Variants in GALNT6 observed in about 807,000 individuals in gnomAD.
GALNT6 encodes the protein polypeptide N-acetylgalactosaminyltransferase 6.
Under a neutral mutation model 65.9 loss-of-function variants are expected in GALNT6, and 51 were observed. The observed-to-expected ratio is 0.77, with a 90% confidence interval of 0.62 to 0.98. The LOEUF (loss-of-function observed/expected upper bound fraction) is 0.98. Ranked by LOEUF, GALNT6 falls within the 50% of genes least tolerant of loss-of-function variation. The probability of loss-of-function intolerance (pLI) is 0.00; values close to 1 mark genes in which losing one functional copy is unlikely to be tolerated. For synonymous variants in GALNT6, 323 were observed against 315.1 expected, an observed-to-expected ratio of 1.02 and a Z score of -0.26; for missense variants, 708 against 803.3, an observed-to-expected ratio of 0.88 and a Z score of 1.43.
intron 5 of GALNT6, among the ~76,000 whole-genome samples, chr12:51,365,112 G>T (rs1305286836): frequency 2.0e-5 from 3 of 152,190 alleles, no homozygotes; most frequent in Non-Finnish European, 2.9e-5. Context: ...ATAGCAGGAG[G>T]CCTCTCTGAG....
chr12:51,375,857 C>CT (rs942225801), intron 4 of GALNT6, among the ~76,000 whole-genome samples: 20 of 151,546 alleles, frequency 1.3e-4, no homozygotes, highest in African/African-American at 4.1e-4. Context: ...ACGCCCAGTC[C>CT]TTTTTTTTGT....
At position 51,387,311 on chromosome 12, in the gene GALNT6, G is replaced by T. The variant is rs1447982850; in HGVS notation, c.-104+3539C>A. Among the ~76,000 whole-genome samples the T allele has an allele frequency of 6.6e-6, 1 of 152,136 alleles. No homozygotes were observed. Among genetic ancestry groups the T allele is most frequent in the African/African-American group, 2.4e-5 (1 of 41,414 alleles). Reference sequence around the variant, plus strand: ...GACAGTGTTTCGCCATGTTGGCCAGGCTAGTCTTGAACTCCTGACCTCAAG... The same window carrying T: ...GACAGTGTTTCGCCATGTTGGCCAGTCTAGTCTTGAACTCCTGACCTCAAG... On this transcript the variant is annotated intron_variant, in intron 2 of 11. Coordinates refer to ENST00000356317, the MANE Select transcript of GALNT6 (RefSeq NM_007210.4). This position sits in a 1 kb window ranked among gnomAD's most constrained non-coding sequence, Gnocchi z 4.2.
intron 4 of GALNT6, among the ~76,000 whole-genome samples, chr12:51,370,653 G>C (rs1947264314): frequency 6.6e-6 from 1 of 152,230 alleles, no homozygotes; most frequent in Non-Finnish European, 1.5e-5. Flanking sequence ...CAAATTCATA[G>C]AGACAGAAAG....
At chr12:51,369,202 AG>A (rs564803871) in intron 4 of GALNT6, among the ~76,000 whole-genome samples, 1 of 152,268 alleles carries the variant, frequency 6.6e-6, no homozygotes, top group African/African-American at 2.4e-5. Context: ...TGTGAACCTC[AG>A]GGGGGGCCCC....
chr12:51,379,584 A>C lies in GALNT6; in HGVS notation c.198T>G (p.Asp66Glu). ...CCCTGATTTGGAGCTTGGGCATTGA[A>C]TCTCTAAGGTTGTTCATGGCCTCCA... ...LMLEAMNNLR[D>E]SMPKLQIRAP... The change falls in exon 3 of 12, where the codon GAT becomes GAG. Residue 66 changes from aspartate (D) to glutamate (E), a missense_variant. Asp to Glu is a conservative substitution (Grantham distance 45). Coordinates refer to ENST00000356317, the MANE Select transcript of GALNT6 (RefSeq NM_007210.4). 6.2e-7 allele frequency: 1 copy of C among 1,613,938 alleles called. No individual in the cohort carries two copies. The highest frequency in any genetic ancestry group is 8.5e-7 in the Non-Finnish European group (1 of 1,179,968).
Position 51,366,143 on chromosome 12 carries a change from C to T in GALNT6, c.665-564G>A, listed in dbSNP as rs147693099. Reference sequence around the variant, plus strand: ...ATATTGGCCAGGCTGGTCTCGTACTCCTGGCCTCAAGTGATTCGCCTGCCT... The same window carrying T: ...ATATTGGCCAGGCTGGTCTCGTACTTCTGGCCTCAAGTGATTCGCCTGCCT... On this transcript the variant is annotated intron_variant, in intron 4 of 11. Transcript: ENST00000356317. Among the ~76,000 whole-genome samples the T allele has an allele frequency of 3.7e-3, 569 of 152,334 alleles. 4 individuals are homozygous for T. Among genetic ancestry groups the T allele is most frequent in the African/African-American group, 0.013 (535 of 41,578 alleles).
chr12:51,378,092 G>A (rs558759746), intron 3 of GALNT6, among the ~76,000 whole-genome samples: 32 of 152,258 alleles, frequency 2.1e-4, no homozygotes, highest in Non-Finnish European at 3.7e-4. Flanking sequence ...AGGATTTCTT[G>A]GGGACCCTCC....
intron 4 of GALNT6, among the ~76,000 whole-genome samples, chr12:51,369,883 C>T (rs141540777): frequency 6.6e-6 from 1 of 152,274 alleles, no homozygotes; most frequent in East Asian, 1.9e-4. Flanking sequence ...TACCACTCTC[C>T]TCAATCTATT....
Position 51,355,852 on chromosome 12 carries a change from C to T in GALNT6, c.1709G>A (p.Gly570Asp), listed in dbSNP as rs865893543. 6.2e-7 allele frequency: 1 copy of T among 1,613,930 alleles called. No individual in the cohort carries two copies. Among genetic ancestry groups the T allele is most frequent in the Admixed American group, 1.7e-5 (1 of 60,022 alleles). The change falls in exon 11 of 12, where the codon GGC (glycine) becomes GAC (aspartate). Residue 570 changes from glycine to aspartate, a missense_variant. Physicochemically the swap from Gly to Asp is moderately conservative, Grantham distance 94. Coordinates refer to ENST00000356317, the MANE Select transcript of GALNT6 (RefSeq NM_007210.4). ...ALGLGSCHFT[G>D]KNSQVPKDEE... Reference sequence around the variant, plus strand: ...GTCCTTGGGGACCTGGCTATTCTTGCCAGTGAAGTGACAGCTCCCAAGGCC... The same window carrying T: ...GTCCTTGGGGACCTGGCTATTCTTGTCAGTGAAGTGACAGCTCCCAAGGCC...
chr12:51,379,926 G>C lies in GALNT6; in HGVS notation c.-103-42C>G, dbSNP rs917101537. 7.3e-6 allele frequency: 6 copies of C among 827,186 alleles called. No homozygotes were observed. The Middle Eastern group carries it at 1.5e-3, about 203-fold the overall frequency. The allele number at this position is 827,186 out of a possible 1,614,324, so 51.2% of individuals were successfully genotyped here. On this transcript the variant is annotated intron_variant, in intron 2 of 11. Transcript: ENST00000356317. The stretch of plus-strand genomic sequence containing the variant: ...CAAGAGAGAGAAGTGAGCCAACACA[G>C]GGTAAGGAGGGAGTCGGGTGCTTGG...
intron 2 of GALNT6, among the ~76,000 whole-genome samples, chr12:51,388,635 CT>C (rs1424434601): frequency 6.6e-6 from 1 of 152,152 alleles, no homozygotes; most frequent in Non-Finnish European, 1.5e-5. Context: ...GATTTCCCCA[CT>C]AACTATCATG....
At chr12:51,356,076 G>T in intron 10 of GALNT6, 118 bp from the exon 11 acceptor site, 5 of 848,030 alleles carry the variant, frequency 5.9e-6, no homozygotes, top group South Asian at 4.9e-5. Flanking sequence ...GTGAGGCCAT[G>T]CCAAGACTTT....
At position 51,354,182 on chromosome 12, in the gene GALNT6, G is replaced by T; in HGVS notation, c.*197C>A. ...GCTAGGCTAAATATATGTCCTAATG[G>T]TCTCTTCCATCGGTGTGAAGGAAAG... On this transcript the variant is annotated 3_prime_UTR_variant, in exon 12 of 12. Coordinates refer to ENST00000356317, the MANE Select transcript of GALNT6 (RefSeq NM_007210.4). 1.9e-6 allele frequency: 1 copy of T among 515,288 alleles called. No individual in the cohort carries two copies. The highest frequency in any genetic ancestry group is 3.4e-6 in the Non-Finnish European group (1 of 297,102). The allele number at this position is 515,288 out of a possible 1,614,324, so 31.9% of individuals were successfully genotyped here. A position where few individuals can be genotyped will look rare whatever the true frequency, so the allele number is the denominator to read the frequency against.
At chr12:51,377,418 G>A in intron 3 of GALNT6, 51 bp from the exon 4 acceptor site, 2 of 1,533,270 alleles carry the variant, frequency 1.3e-6, no homozygotes, top group Non-Finnish European at 1.8e-6. Context: ...GGGAGTACCA[G>A]GTGTGGGGAG....
rs1946782897 is a variant in GALNT6, at chr12:51,357,437, C to T, written c.1514G>A (p.Gly505Asp). 6.2e-7 allele frequency: 1 copy of T among 1,613,316 alleles called. No individual in the cohort carries two copies. Residue 505 changes from glycine (G) to aspartate (D), a missense_variant, in exon 10 of 12, where the codon GGC becomes GAC. Gly to Asp is a moderately conservative substitution (Grantham distance 94). Transcript: ENST00000356317. ...PTFYGAIKNLGTNQCLDVGEN... is the reference protein window; with the variant it reads ...PTFYGAIKNLDTNQCLDVGEN... Reference sequence around the variant, plus strand: ...ACCCACATCCAGGCATTGGTTGGTGCCGAGGTTCTTGATCTGCAGAAGGGT... The same window carrying T: ...ACCCACATCCAGGCATTGGTTGGTGTCGAGGTTCTTGATCTGCAGAAGGGT...
intron 11 of GALNT6, 149 bp from the exon 12 acceptor site, chr12:51,354,641 C>A: frequency 3.4e-6 from 2 of 591,244 alleles, no homozygotes; most frequent in South Asian, 2.2e-5. Flanking sequence ...CCTGCCCTCT[C>A]ATGAGACACA....
rs548424055 is a variant in GALNT6 at position 51,362,404 on chromosome 12, C to G, written c.1050-1566G>C. Among the ~76,000 whole-genome samples the G allele has an allele frequency of 9.9e-5, 15 of 152,148 alleles. 1 individual carries two copies. Among genetic ancestry groups the G allele is most frequent in the Admixed American group, 9.2e-4 (14 of 15,290 alleles). On this transcript the variant is annotated intron_variant, in intron 6 of 11. Transcript: ENST00000356317. ...CTCTGGTTGGCTTGAGATGGGAGGC[C>G]GGGAGGGGACTGTCAGCAGTCCTCC...
chr12:51,355,808 G>A lies in GALNT6; in HGVS notation c.1753C>T (p.Gln585Ter), dbSNP rs1315192744. 1 of 1,612,616 alleles carries A rather than the reference G, an allele frequency of 6.2e-7. No homozygotes were observed. The highest frequency in any genetic ancestry group is 2.2e-5 in the East Asian group (1 of 44,830). Residue 585 changes from glutamine (Q) to a stop codon, truncating the protein, a stop_gained and splice_region_variant, in exon 11 of 12, where the codon CAG (glutamine) becomes TAG (stop). Coordinates refer to ENST00000356317, the MANE Select transcript of GALNT6 (RefSeq NM_007210.4). LOFTEE classifies it high-confidence loss of function. ...GAGCTTTCTGGACACTGACTCACCT[G>A]GGCCAATTCCCATTCCTCGTCCTTG... ...VPKDEEWELA[Q>*]DQLIRNSGSG...
intron 4 of GALNT6, among the ~76,000 whole-genome samples, chr12:51,375,857 C>T (rs534137745): frequency 3.1e-4 from 47 of 151,662 alleles, no homozygotes; most frequent in African/African-American, 9.7e-4. Flanking sequence ...ACGCCCAGTC[C>T]TTTTTTTTGT....
Sources: gnomAD v4.1 joint callset for allele counts (sites outside exome capture counted in the v4.1 genomes callset) on GRCh38, gnomAD v4.1.1 for gene constraint, Gnocchi (gnomAD v3.1) non-coding constraint, MANE v1.5 for transcripts, NCBI Gene and HGNC (gene_info 2026-07-23, HGNC 2026-07-21) for gene names.